Variants in SH3GL3 observed in about 807,000 individuals in gnomAD.
SH3GL3 encodes SH3 domain containing GRB2 like 3, endophilin A3.
A neutral mutation model predicts 47.7 loss-of-function variants in SH3GL3; 33 were observed. The ratio of observed to expected loss-of-function variants is 0.69; its 90% CI spans 0.52 to 0.92. The LOEUF (loss-of-function observed/expected upper bound fraction) is 0.92. Among genes scored for constraint, SH3GL3 ranks in the 40% least tolerant of loss-of-function variants. The probability of loss-of-function intolerance (pLI) is 0.00; values close to 1 mark genes in which losing one functional copy is unlikely to be tolerated. For synonymous variants in SH3GL3, 155 were observed against 148.8 expected (o/e 1.04, Z -0.30); for missense variants, 363 against 417.8 (o/e 0.87, Z 1.14).
At chr15:83,457,249 C>G (rs1195868942) in intron 1 of SH3GL3, among the ~76,000 whole-genome samples, 1 of 152,156 alleles carries the variant, frequency 6.6e-6, no homozygotes, top group East Asian at 1.9e-4. Context: ...CATCTCTTCT[C>G]CTCCTCTCCT....
chr15:83,519,565 G>A (rs2043123541), intron 1 of SH3GL3, among the ~76,000 whole-genome samples: 1 of 152,162 alleles, frequency 6.6e-6, no homozygotes, highest in South Asian at 2.1e-4. Context: ...GAGCCTTTTG[G>A]TGGAGTCTCT....
chr15:83,589,616 A>G (rs960077180), intron 8 of SH3GL3, among the ~76,000 whole-genome samples: 31 of 152,124 alleles, frequency 2.0e-4, no homozygotes, highest in African/African-American at 7.2e-4. Context: ...GGCTCAAGCA[A>G]TCCTTCTGCC....
In SH3GL3 at chr15:83,476,987, AG is replaced by A. The variant is rs369043064; in HGVS notation, c.45+29412del. Among the ~76,000 whole-genome samples, 34 of 152,252 alleles carry A rather than the reference AG, an allele frequency of 2.2e-4. 2 individuals carry two copies. The East Asian group carries it at 3.1e-3, about 14-fold the overall frequency. On this transcript the variant is annotated intron_variant, in intron 1 of 8. Coordinates refer to ENST00000427482, the MANE Select transcript of SH3GL3 (RefSeq NM_003027.5). ...TCTTTTTCATCCTGGTGACCTGGGGAGGGCCTCACTCTGGAATACATTCTTA... is the reference window on the plus strand; with the variant it reads ...TCTTTTTCATCCTGGTGACCTGGGGAGGCCTCACTCTGGAATACATTCTTA...
intron 2 of SH3GL3, among the ~76,000 whole-genome samples, chr15:83,563,928 G>A (rs773799286): frequency 2.7e-4 from 41 of 152,138 alleles, no homozygotes; most frequent in Non-Finnish European, 2.1e-4. Context: ...GTGTCCCACC[G>A]TGCCCAGCCT....
At chr15:83,612,117 CAT>C (rs1422545822) in intron 8 of SH3GL3, among the ~76,000 whole-genome samples, 2 of 151,950 alleles carry the variant, frequency 1.3e-5, no homozygotes, top group African/African-American at 4.8e-5. Context: ...CAATAGAAAG[CAT>C]AGACTATCCG....
intron 1 of SH3GL3, among the ~76,000 whole-genome samples, chr15:83,495,095 C>T (rs984300958): frequency 1.3e-5 from 2 of 152,040 alleles, no homozygotes; most frequent in Non-Finnish European, 2.9e-5. Flanking sequence ...TTGCTGTGGT[C>T]CCCCCGGTTC....
At chr15:83,532,775 G>A (rs917095965) in intron 1 of SH3GL3, among the ~76,000 whole-genome samples, 2 of 152,148 alleles carry the variant, frequency 1.3e-5, no homozygotes, top group Admixed American at 1.3e-4. Flanking sequence ...TGCAATTCTC[G>A]AAGCTTATTC....
chr15:83,595,687 T>C (rs1465044152), intron 8 of SH3GL3, among the ~76,000 whole-genome samples: 1 of 151,800 alleles, frequency 6.6e-6, no homozygotes, highest in African/African-American at 2.4e-5. Flanking sequence ...TAGAAGGCAA[T>C]TGAGGTTATC....
chr15:83,567,085 C>T (rs963486129), intron 3 of SH3GL3, among the ~76,000 whole-genome samples: 4 of 152,210 alleles, frequency 2.6e-5, no homozygotes, highest in Non-Finnish European at 5.9e-5. Flanking sequence ...TTCACTCTCT[C>T]ACCTACAGGA....
At chr15:83,587,161 C>G in intron 7 of SH3GL3, 75 bp downstream of exon 7, 1 of 713,150 alleles carries the variant, frequency 1.4e-6, no homozygotes. Flanking sequence ...GTCTGTCTCT[C>G]CATCTCTCCA....
chr15:83,517,890 C>T (rs1755395927), intron 1 of SH3GL3, among the ~76,000 whole-genome samples: 1 of 152,114 alleles, frequency 6.6e-6, no homozygotes, highest in South Asian at 2.1e-4. Flanking sequence ...TTTCACCCCT[C>T]ACCTCCAGTT....
chr15:83,481,479 CT>C (rs1330413691), intron 1 of SH3GL3, among the ~76,000 whole-genome samples: 1 of 152,136 alleles, frequency 6.6e-6, no homozygotes, highest in African/African-American at 2.4e-5. Flanking sequence ...CTACTTCTCC[CT>C]GCTGGTTTGG....
intron 8 of SH3GL3, among the ~76,000 whole-genome samples, chr15:83,607,285 C>T (rs111555877): frequency 2.0e-5 from 3 of 152,194 alleles, no homozygotes; most frequent in East Asian, 1.9e-4. Flanking sequence ...TTAAAAAATA[C>T]GGTAGAAGTC....
At chr15:83,590,189 C>G (rs1026168494) in intron 8 of SH3GL3, among the ~76,000 whole-genome samples, 1 of 151,962 alleles carries the variant, frequency 6.6e-6, no homozygotes, top group African/African-American at 2.4e-5. Context: ...CCTAGTTTGT[C>G]ATTTATCTTT....
At chr15:83,620,887 G>A (rs989452510), downstream of SH3GL3, among the ~76,000 whole-genome samples, 2 of 152,196 alleles carry the variant, frequency 1.3e-5, no homozygotes, top group Admixed American at 1.3e-4. Context: ...CTGTTGTTTA[G>A]TTTAGCCAGC....
At chr15:83,506,703 A>G (rs2042519873) in intron 1 of SH3GL3, among the ~76,000 whole-genome samples, 1 of 152,150 alleles carries the variant, frequency 6.6e-6, no homozygotes, top group Admixed American at 6.5e-5. Flanking sequence ...TATGTCCCTC[A>G]GAAAAATTTT....
At chr15:83,497,102 T>C (rs2042110867) in intron 1 of SH3GL3, among the ~76,000 whole-genome samples, 1 of 152,184 alleles carries the variant, frequency 6.6e-6, no homozygotes, top group African/African-American at 2.4e-5. Context: ...GGAGAAAATC[T>C]TGTAATTGTG....
intron 1 of SH3GL3, among the ~76,000 whole-genome samples, chr15:83,521,362 C>T (rs901676275): frequency 1.3e-5 from 2 of 152,130 alleles, no homozygotes; most frequent in African/African-American, 4.8e-5. Flanking sequence ...AAAATGGACA[C>T]TACCTTTAGG....
chr15:83,575,347 T>C (rs1451490753), intron 5 of SH3GL3, among the ~76,000 whole-genome samples: 1 of 152,206 alleles, frequency 6.6e-6, no homozygotes, highest in Non-Finnish European at 1.5e-5. Context: ...GAGTAGTAAG[T>C]GGGTGAAATG....
Sources: gnomAD v4.1 joint callset for allele counts (sites outside exome capture counted in the v4.1 genomes callset) on GRCh38, gnomAD v4.1.1 for gene constraint, MANE v1.5 for transcripts, NCBI Gene and HGNC (gene_info 2026-07-23, HGNC 2026-07-21) for gene names.